The following UNC13C variants were observed in gnomAD, a reference collection of about 807,000 sequenced individuals.
UNC13C encodes protein unc-13 homolog C.
Under a neutral mutation model 245.4 loss-of-function variants are expected in UNC13C, and 174 were observed. The observed-to-expected ratio is 0.71, with a 90% CI of 0.63 to 0.80. The LOEUF is 0.80. UNC13C is among the 30% of genes least tolerant of loss of function. The pLI, the probability that UNC13C is intolerant of heterozygous loss-of-function variation, is 0.00. For synonymous variants in UNC13C, 992 were observed against 895.1 expected, an observed-to-expected ratio of 1.11 and a Z score of -1.93; for missense variants, 2,829 against 2,602.9, an observed-to-expected ratio of 1.09 and a Z score of -1.89.
At chr15:54,476,624 T>C (rs1173719243) in intron 19 of UNC13C, among the ~76,000 whole-genome samples, 2 of 151,966 alleles carry the variant, frequency 1.3e-5, no homozygotes, top group Admixed American at 6.6e-5. Flanking sequence ...GTTGTAGATA[T>C]GCAGCGTTGT....
chr15:54,605,115 G>A (rs1340415544), intron 30 of UNC13C, among the ~76,000 whole-genome samples: 2 of 152,164 alleles, frequency 1.3e-5, no homozygotes, highest in Non-Finnish European at 2.9e-5. Flanking sequence ...GACCTGCTGG[G>A]TAGTAAAGCT....
At chr15:54,462,566 C>T (rs62010141) in intron 19 of UNC13C, among the ~76,000 whole-genome samples, 22,604 of 152,258 alleles carry the variant, frequency 0.15, 2,138 homozygotes, top group Non-Finnish European at 0.2. Context: ...CCAGTGCCCC[C>T]GGCCCCGGGG....
At chr15:54,185,531 C>A (rs531861720) in intron 4 of UNC13C, among the ~76,000 whole-genome samples, 1 of 151,070 alleles carries the variant, frequency 6.6e-6, no homozygotes, top group African/African-American at 2.5e-5. Flanking sequence ...ATAGGGAATC[C>A]TTTCCCCATT....
intron 14 of UNC13C, among the ~76,000 whole-genome samples, chr15:54,331,702 ATTG>A (rs2038441608): frequency 6.6e-6 from 1 of 152,138 alleles, no homozygotes; most frequent in Non-Finnish European, 1.5e-5. Flanking sequence ...GACGCATTAT[ATTG>A]TTGTGAATTA....
intron 28 of UNC13C, among the ~76,000 whole-genome samples, chr15:54,550,711 G>C (rs62022205): frequency 0.052 from 7,900 of 152,222 alleles, 349 homozygotes; most frequent in Admixed American, 0.13. Flanking sequence ...GTTCAGTGCT[G>C]TTGATGGTTG....
At chr15:54,306,979 C>T (rs2037741329) in intron 13 of UNC13C, among the ~76,000 whole-genome samples, 1 of 152,088 alleles carries the variant, frequency 6.6e-6, no homozygotes, top group East Asian at 1.9e-4. Context: ...AATATTTACT[C>T]AGTGCCTATC....
At chr15:54,605,984 G>C (rs1380018760) in intron 30 of UNC13C, among the ~76,000 whole-genome samples, 1 of 152,054 alleles carries the variant, frequency 6.6e-6, no homozygotes, top group Non-Finnish European at 1.5e-5. Context: ...TCTTTAAGAA[G>C]CCAAAGGCAT....
intron 30 of UNC13C, among the ~76,000 whole-genome samples, chr15:54,596,247 GTT>G: frequency 6.6e-6 from 1 of 152,256 alleles, no homozygotes; most frequent in Middle Eastern, 3.4e-3. Context: ...AACTGTGGGT[GTT>G]TTTTCTACCA....
At chr15:54,385,605 A>G (rs900420009) in intron 17 of UNC13C, among the ~76,000 whole-genome samples, 4 of 151,980 alleles carry the variant, frequency 2.6e-5, no homozygotes, top group Non-Finnish European at 5.9e-5. Context: ...ATATAAAAAT[A>G]TAGTTAGATA....
At chr15:53,925,278 A>G in the UNC13C span, among the ~76,000 whole-genome samples, 3 of 152,204 alleles carry the variant, frequency 2.0e-5, no homozygotes, top group Non-Finnish European at 4.4e-5. Context: ...AAAAGAAAGT[A>G]TACATCTTTT....
intron 13 of UNC13C, among the ~76,000 whole-genome samples, chr15:54,311,385 T>C (rs1005455632): frequency 6.6e-6 from 1 of 151,806 alleles, no homozygotes; most frequent in Non-Finnish European, 1.5e-5. Flanking sequence ...ATTTTTGACA[T>C]ATTTACATTT....
Position 54,456,275 on chromosome 15 carries a change from T to G in UNC13C, c.4934-38333T>G, listed in dbSNP as rs114278928. 9.4e-3 allele frequency among the ~76,000 whole-genome samples: 1,429 copies of G among 152,268 alleles called. 24 individuals carry two copies. Among genetic ancestry groups the G allele is most frequent in the African/African-American group, 0.033 (1,382 of 41,576 alleles). On this transcript the variant is annotated intron_variant, in intron 19 of 32. Coordinates refer to ENST00000260323, the MANE Select transcript of UNC13C (RefSeq NM_001080534.3). ...ATAGACTTGTAGTATAGTTTGAAGTTGGGTAATGTGGTGCTTCCAGATTTG... is the reference window on the plus strand; with the variant it reads ...ATAGACTTGTAGTATAGTTTGAAGTGGGGTAATGTGGTGCTTCCAGATTTG...
Position 54,460,223 on chromosome 15 carries a change from A to G in UNC13C, c.4934-34385A>G, listed in dbSNP as rs111676996. ...TGGGCTTGTGCTGTGGAATGTTTGT[A>G]AAGAGTCCTGTGATGTGATCCATCT... On this transcript the variant is annotated intron_variant, in intron 19 of 32. Coordinates refer to ENST00000260323, the MANE Select transcript of UNC13C (RefSeq NM_001080534.3). Among the ~76,000 whole-genome samples the G allele has an allele frequency of 3.7e-3, 563 of 152,316 alleles. 3 individuals carry two copies. Among genetic ancestry groups the G allele is most frequent in the African/African-American group, 0.013 (540 of 41,566 alleles).
chr15:54,535,147 C>G (rs1007713870), intron 26 of UNC13C, among the ~76,000 whole-genome samples: 1 of 152,046 alleles, frequency 6.6e-6, no homozygotes, highest in East Asian at 1.9e-4. Context: ...CAATGACACC[C>G]ATAGTCTCAA....
At chr15:54,115,514 T>C (rs1261137176) in intron 2 of UNC13C, among the ~76,000 whole-genome samples, 1 of 152,132 alleles carries the variant, frequency 6.6e-6, no homozygotes, top group Non-Finnish European at 1.5e-5. Context: ...AATTGATACA[T>C]AATCGAGGTA....
chr15:54,515,907 A>G (rs76454793), intron 24 of UNC13C, among the ~76,000 whole-genome samples: 2 of 152,212 alleles, frequency 1.3e-5, no homozygotes, highest in African/African-American at 2.4e-5. Context: ...AAAATTTCCC[A>G]TGAGAGTAAC....
chr15:54,280,012 G>A (rs1463376778), intron 10 of UNC13C, among the ~76,000 whole-genome samples: 1 of 152,112 alleles, frequency 6.6e-6, no homozygotes, highest in Admixed American at 6.5e-5. Flanking sequence ...AAGCACATAC[G>A]TGTTTCTGGA....
intron 8 of UNC13C, among the ~76,000 whole-genome samples, chr15:54,259,299 C>G (rs866231405): frequency 5.3e-5 from 8 of 152,332 alleles, no homozygotes; most frequent in African/African-American, 1.9e-4. Context: ...TGTATTAGTA[C>G]ATTTTCAGGC....
At chr15:54,244,978 C>T (rs1220813752) in intron 7 of UNC13C, among the ~76,000 whole-genome samples, 1 of 152,092 alleles carries the variant, frequency 6.6e-6, no homozygotes, top group Non-Finnish European at 1.5e-5. Context: ...CCCAATTGCC[C>T]TAGCCGGAAC....
Sources: allele counts gnomAD v4.1 joint callset (sites outside exome capture counted in the v4.1 genomes callset), GRCh38; gene constraint gnomAD v4.1.1; transcripts MANE v1.5; gene names NCBI Gene and HGNC (gene_info 2026-07-23, HGNC 2026-07-21).